The following NECTIN1 variants were observed in gnomAD, a reference collection of about 807,000 sequenced individuals.
The protein encoded by NECTIN1 is nectin-1.
A neutral mutation model predicts 48.0 loss-of-function variants in NECTIN1; 23 were observed. The ratio of observed to expected loss-of-function variants is 0.48; its 90% CI spans 0.34 to 0.68. NECTIN1 has a LOEUF of 0.68. NECTIN1 is among the 30% of genes least tolerant of loss of function. The pLI, the probability that NECTIN1 is intolerant of heterozygous loss-of-function variation, is 0.01. For synonymous variants in NECTIN1, 270 were observed against 288.9 expected (o/e 0.93, Z 0.66); for missense variants, 591 against 709.9 (o/e 0.83, Z 1.90).
chr11:119,707,272 T>C (rs1865564935), intron 1 of NECTIN1, among the ~76,000 whole-genome samples: 1 of 152,152 alleles, frequency 6.6e-6, no homozygotes, highest in Non-Finnish European at 1.5e-5. Flanking sequence ...CACCCCACAC[T>C]GGGCTCCACT....
intron 5 of NECTIN1, among the ~76,000 whole-genome samples, chr11:119,648,283 GTGGTGA>G (rs1565376440): frequency 9.8e-4 from 11 of 11,258 alleles, no homozygotes; most frequent in South Asian, 1.9e-3. Context: ...GGTGATGGTG[GTGGTGA>G]TGGTGGTGGT....
intron 5 of NECTIN1, chr11:119,642,560 GC>G (rs1864342001): frequency 6.5e-6 from 1 of 153,664 alleles, no homozygotes. Flanking sequence ...GGACTCTGCA[GC>G]CACTTTGCCA....
At chr11:119,648,364 G>A (rs1591438843) in intron 5 of NECTIN1, among the ~76,000 whole-genome samples, 1 of 106,956 alleles carries the variant, frequency 9.3e-6, no homozygotes. Context: ...GGTGATGCTG[G>A]TGATGGTGGT....
At chr11:119,655,611 A>G (rs1220668717) in intron 5 of NECTIN1, among the ~76,000 whole-genome samples, 1 of 152,218 alleles carries the variant, frequency 6.6e-6, no homozygotes, top group Non-Finnish European at 1.5e-5. Context: ...ATAGGTTTAA[A>G]TATCTGAAAA....
At chr11:119,687,121 G>A (rs1865172337) in intron 1 of NECTIN1, among the ~76,000 whole-genome samples, 2 of 152,206 alleles carry the variant, frequency 1.3e-5, no homozygotes, top group East Asian at 1.9e-4. Context: ...ACTGAAAGCA[G>A]GAAGCCACAT....
At chr11:119,650,663 G>A (rs527311197) in intron 5 of NECTIN1, among the ~76,000 whole-genome samples, 44 of 152,338 alleles carry the variant, frequency 2.9e-4, no homozygotes, top group South Asian at 1.2e-3. Context: ...TAGAGACACG[G>A]ATTCTGGGGC....
rs2048246 is a variant in NECTIN1, at chr11:119,727,943, T to C, written c.79+532A>G. 0.16 allele frequency among the ~76,000 whole-genome samples: 24,330 copies of C among 152,082 alleles called. 2,270 individuals carry two copies. Among genetic ancestry groups the C allele is most frequent in the East Asian group, 0.21 (1,090 of 5,122 alleles). On this transcript the variant is annotated intron_variant, in intron 1 of 5. Coordinates refer to ENST00000264025, the MANE Select transcript of NECTIN1 (RefSeq NM_002855.5). This position sits in a 1 kb window ranked among gnomAD's most constrained non-coding sequence, Gnocchi z 4.1. ...AGCCGCCTCTGCCGCAGCAGCCGAC[T>C]CTCCGCGCCCGCTGTGGGGCGGTGT... is the stretch of plus-strand genomic sequence containing the variant.
At chr11:119,639,722 G>C in intron 6 of NECTIN1, 1 of 1,082,700 alleles carries the variant, frequency 9.2e-7, no homozygotes, top group Non-Finnish European at 1.4e-6. Context: ...CCTGCCAAAG[G>C]GTTAGTTCCT....
Position 119,661,914 on chromosome 11 carries a change from G to T in NECTIN1, c.*2833C>A. 1 of 985,424 alleles carries T rather than the reference G, an allele frequency of 1.0e-6. No homozygotes were observed. 61.0% of individuals were successfully genotyped at this position (985,424 alleles called of 1,614,324 possible). A position where few individuals can be genotyped will look rare whatever the true frequency, so the allele number is the denominator to read the frequency against. On this transcript the variant is annotated 3_prime_UTR_variant, in exon 6 of 6. Coordinates refer to ENST00000264025, the MANE Select transcript of NECTIN1 (RefSeq NM_002855.5). Reference sequence around the variant, plus strand: ...GTGTCCACTGTGGGCACACGTACTGGGTCTGAGGTGGTCGCACTTGCAGGC... The same window carrying T: ...GTGTCCACTGTGGGCACACGTACTGTGTCTGAGGTGGTCGCACTTGCAGGC...
rs1865731054 is a variant in NECTIN1, at chr11:119,715,623, TAGG to T, written c.79+12849_79+12851del. 2.0e-5 allele frequency among the ~76,000 whole-genome samples: 3 copies of T among 152,194 alleles called. 1 individual carries two copies. The highest frequency in any genetic ancestry group is 2.0e-4 in the Admixed American group (3 of 15,284). ...TACCCGCCTCGGCCTCCCAAAGTGC[TAGG>T]ACTATAGGTATGAGCCACTGTGCCC... On this transcript the variant is annotated intron_variant, in intron 1 of 5. Coordinates refer to ENST00000264025, the MANE Select transcript of NECTIN1 (RefSeq NM_002855.5).
downstream of NECTIN1, among the ~76,000 whole-genome samples, chr11:119,657,962 C>T (rs1357900429): frequency 1.3e-5 from 2 of 150,392 alleles, 1 homozygote; most frequent in South Asian, 4.2e-4. Context: ...GCCCCAATCC[C>T]AATCCCAGTG....
At chr11:119,647,387 A>G (rs1328246075) in intron 5 of NECTIN1, among the ~76,000 whole-genome samples, 2 of 151,944 alleles carry the variant, frequency 1.3e-5, no homozygotes, top group Admixed American at 6.6e-5. Flanking sequence ...GAACCTGAGC[A>G]AGGCCGACTC....
At chr11:119,660,172 G>A (rs532595979), downstream of NECTIN1, among the ~76,000 whole-genome samples, 17 of 152,162 alleles carry the variant, frequency 1.1e-4, no homozygotes, top group African/African-American at 3.6e-4. Flanking sequence ...CCCAGGGGTC[G>A]TTGGTGTGGA....
chr11:119,699,688 A>C (rs1430567229), intron 1 of NECTIN1, among the ~76,000 whole-genome samples: 1 of 152,224 alleles, frequency 6.6e-6, no homozygotes, highest in Non-Finnish European at 1.5e-5. Flanking sequence ...GCTCAGGTGC[A>C]TTCCCTGGAG....
rs541787554 is a variant in NECTIN1 at position 119,676,820 on chromosome 11, C to T, written c.851+282G>A. On this transcript the variant is annotated intron_variant, in intron 4 of 5. Transcript: ENST00000264025. ...CTCAGACTGAATCACCAAAGGAAAA[C>T]GACAAAACTCTTTATTAGGAAGAGG... The T allele has an allele frequency of 9.6e-4, 459 of 478,216 alleles. 6 individuals carry two copies. The highest frequency in any genetic ancestry group is 7.8e-3 in the South Asian group (370 of 47,672). 29.6% of individuals were successfully genotyped at this position (478,216 alleles called of 1,614,324 possible). A position where few individuals can be genotyped will look rare whatever the true frequency, so the allele number is the denominator to read the frequency against.
chr11:119,657,288 G>C (rs999986238), downstream of NECTIN1, among the ~76,000 whole-genome samples: 1 of 152,064 alleles, frequency 6.6e-6, no homozygotes, highest in Non-Finnish European at 1.5e-5. Context: ...CACGCTGGCT[G>C]TCTATTGGAA....
chr11:119,665,071 TG>T lies in NECTIN1; in HGVS notation c.1229del (p.Pro410HisfsTer188). 1 of 1,613,902 alleles carries T rather than the reference TG, an allele frequency of 6.2e-7. No homozygotes were observed. ...YSKAGIPQHHPPMAQNLQYPD... is the reference protein window; with the variant it reads ...YSKAGIPQHHXPMAQNLQYPD... ...GGTACTGCAGGTTCTGTGCCATTGG[TG>T]GGTGGTGCTGGGGGATGCCTGCCTT... On this transcript the variant is annotated frameshift_variant, in exon 6 of 6. Transcript: ENST00000264025. LOFTEE classifies it high-confidence loss of function. This position sits in a 1 kb window ranked among gnomAD's most constrained non-coding sequence, Gnocchi z 5.1.
intron 5 of NECTIN1, among the ~76,000 whole-genome samples, chr11:119,653,607 C>A (rs921348382): frequency 1.3e-5 from 2 of 152,208 alleles, no homozygotes; most frequent in Non-Finnish European, 2.9e-5. Context: ...GAGCTGGGAT[C>A]CTACCTGGAA....
downstream of NECTIN1, chr11:119,658,941 T>C (rs1314126488): frequency 1.3e-5 from 2 of 152,224 alleles, no homozygotes; most frequent in South Asian, 2.1e-4. Context: ...AATGAGTGTG[T>C]TGGGGTAGGA....
Sources: allele counts gnomAD v4.1 joint callset (sites outside exome capture counted in the v4.1 genomes callset), GRCh38; gene constraint gnomAD v4.1.1; non-coding constraint Gnocchi (gnomAD v3.1); transcripts MANE v1.5; gene names NCBI Gene and HGNC (gene_info 2026-07-23, HGNC 2026-07-21).